The following LY96 variants were observed in gnomAD, a reference collection of about 807,000 sequenced individuals.
The protein encoded by LY96 is lymphocyte antigen 96, also known as myeloid differentiation protein-2.
LY96 carries 18 observed loss-of-function variants against 18.9 expected under a neutral mutation model. The ratio of observed to expected loss-of-function variants is 0.95; its 90% CI spans 0.66 to 1.41. The LOEUF (loss-of-function observed/expected upper bound fraction) is 1.41, where lower values mean the gene tolerates loss of function less well. Ranked by LOEUF, LY96 falls within the 40% of genes most tolerant of loss-of-function variation. The pLI is 0.00. For synonymous variants in LY96, 66 were observed against 62.6 expected (o/e 1.06, Z -0.26); for missense variants, 175 against 182.4 (o/e 0.96, Z 0.23).
At chr8:74,066,326 A>C in the LY96 span, among the ~76,000 whole-genome samples, 1 of 152,070 alleles carries the variant, frequency 6.6e-6, no homozygotes, top group African/African-American at 2.4e-5. Context: ...TGAAGACCCC[A>C]CATATTAATA....
the LY96 span, among the ~76,000 whole-genome samples, chr8:74,076,327 C>CT: frequency 1.8e-3 from 257 of 143,722 alleles, 1 homozygote; most frequent in South Asian, 7.2e-3. Flanking sequence ...AACCAAGACA[C>CT]TTTTTTTTTT....
At chr8:74,081,196 CTTCT>C in the LY96 span, among the ~76,000 whole-genome samples, 3 of 131,266 alleles carry the variant, frequency 2.3e-5, no homozygotes, top group Non-Finnish European at 4.7e-5. Flanking sequence ...TCCTTCCTTC[CTTCT>C]TTCCTTCCTT....
At chr8:74,090,349 T>A in the LY96 span, among the ~76,000 whole-genome samples, 1 of 152,198 alleles carries the variant, frequency 6.6e-6, no homozygotes, top group Non-Finnish European at 1.5e-5. Context: ...TTAGTGAATA[T>A]GTATTTAATG....
the LY96 span, among the ~76,000 whole-genome samples, chr8:74,093,244 T>A: frequency 6.6e-6 from 1 of 152,216 alleles, no homozygotes; most frequent in Non-Finnish European, 1.5e-5. Flanking sequence ...TGAATCACAC[T>A]GCCTTCCTTT....
At chr8:74,027,187 C>T (rs1461979559) in intron 4 of LY96, among the ~76,000 whole-genome samples, 4 of 151,752 alleles carry the variant, frequency 2.6e-5, no homozygotes, top group South Asian at 4.2e-4. Flanking sequence ...CGATCCACTC[C>T]GCTTAGCCTC....
chr8:74,001,440 G>C (rs1315472799), intron 1 of LY96, among the ~76,000 whole-genome samples: 3 of 152,008 alleles, frequency 2.0e-5, no homozygotes, highest in Non-Finnish European at 4.4e-5. Context: ...TGTTGGCCAG[G>C]CTGATCTTGA....
At chr8:74,086,669 C>T in the LY96 span, among the ~76,000 whole-genome samples, 1 of 152,190 alleles carries the variant, frequency 6.6e-6, no homozygotes, top group African/African-American at 2.4e-5. Context: ...GTTAATCCTC[C>T]CCTACCCTAC....
At chr8:74,048,243 A>G in the LY96 span, among the ~76,000 whole-genome samples, 2 of 151,152 alleles carry the variant, frequency 1.3e-5, no homozygotes, top group African/African-American at 2.4e-5. Flanking sequence ...TCTAAGCCAC[A>G]GTGGTCTTCG....
chr8:74,088,220 G>A, the LY96 span, among the ~76,000 whole-genome samples: 2 of 152,144 alleles, frequency 1.3e-5, no homozygotes, highest in Non-Finnish European at 2.9e-5. Context: ...ACTCATGAAT[G>A]TTTTGTGTGC....
intron 1 of LY96, among the ~76,000 whole-genome samples, chr8:73,998,772 A>G (rs1329082216): frequency 6.6e-6 from 1 of 152,182 alleles, no homozygotes; most frequent in East Asian, 1.9e-4. Context: ...AATGGTGTGA[A>G]CATTTTAGCA....
chr8:74,029,287 AG>A, downstream of LY96, among the ~76,000 whole-genome samples: 9 of 152,304 alleles, frequency 5.9e-5, 1 homozygote, highest in South Asian at 1.9e-3. Flanking sequence ...AATGTGGGCA[AG>A]AGTGTTTGTT....
chr8:73,996,561 C>T (rs1018932026), intron 1 of LY96, among the ~76,000 whole-genome samples: 27 of 151,688 alleles, frequency 1.8e-4, no homozygotes, highest in Non-Finnish European at 3.5e-4. Context: ...GGGACTACAG[C>T]CATGCATCAC....
At chr8:74,089,551 A>G in the LY96 span, among the ~76,000 whole-genome samples, 3 of 152,234 alleles carry the variant, frequency 2.0e-5, no homozygotes, top group African/African-American at 7.2e-5. Flanking sequence ...AATGAGAAAG[A>G]TACACAGGGA....
chr8:74,023,440 G>A (rs192926269), intron 3 of LY96, among the ~76,000 whole-genome samples: 1 of 152,358 alleles, frequency 6.6e-6, no homozygotes, highest in Admixed American at 6.5e-5. Flanking sequence ...CTGTTGAATA[G>A]CAGGCCTGTG....
At chr8:74,015,949 C>G (rs892193563) in intron 3 of LY96, among the ~76,000 whole-genome samples, 8 of 152,222 alleles carry the variant, frequency 5.3e-5, no homozygotes, top group Admixed American at 2.0e-4. Context: ...GTGATCGACA[C>G]AGAAGACAGG....
At position 74,004,710 on chromosome 8, in the gene LY96, T is replaced by C. The variant is rs998007999; in HGVS notation, c.113-86T>C. ...TTATTTTATAATTTTAATGCAAGAT[T>C]CATCTTAAAAGGCTGATATTCAGAA... On this transcript the variant is annotated intron_variant, in intron 1 of 4. Coordinates refer to ENST00000284818, the MANE Select transcript of LY96 (RefSeq NM_015364.5). 55 of 1,232,180 alleles carry C rather than the reference T, an allele frequency of 4.5e-5. No individual in the cohort carries two copies. In the Middle Eastern group the frequency reaches 9.1e-4, roughly 20 times the overall value. The allele number at this position is 1,232,180 out of a possible 1,614,324, so 76.3% of individuals were successfully genotyped here. A position where few individuals can be genotyped will look rare whatever the true frequency, so the allele number is the denominator to read the frequency against.
chr8:74,005,889 G>A (rs903403213), intron 2 of LY96, among the ~76,000 whole-genome samples: 26 of 152,256 alleles, frequency 1.7e-4, no homozygotes, highest in Admixed American at 7.2e-4. Context: ...TCCTAGTTTA[G>A]ATTTGGAGCT....
the LY96 span, among the ~76,000 whole-genome samples, chr8:74,064,382 A>G: frequency 6.6e-6 from 1 of 152,204 alleles, no homozygotes; most frequent in Admixed American, 6.5e-5. Flanking sequence ...TAGTCATGGG[A>G]GGCGGATTCC....
At chr8:74,024,813 A>T (rs1171433224) in intron 3 of LY96, among the ~76,000 whole-genome samples, 1 of 152,048 alleles carries the variant, frequency 6.6e-6, no homozygotes, top group East Asian at 1.9e-4. Context: ...GTTTTTAAAA[A>T]TTTTAATTTT....
Sources: allele counts gnomAD v4.1 joint callset (sites outside exome capture counted in the v4.1 genomes callset), GRCh38; gene constraint gnomAD v4.1.1; transcripts MANE v1.5; gene names NCBI Gene and HGNC (gene_info 2026-07-23, HGNC 2026-07-21).